The following SUGCT variants were observed in gnomAD, a reference collection of about 807,000 sequenced individuals.
The protein encoded by SUGCT is succinyl-CoA:glutarate CoA-transferase.
Under a neutral mutation model 55.0 loss-of-function variants are expected in SUGCT, and 41 were observed. The ratio of observed to expected loss-of-function variants is 0.74; its 90% CI spans 0.58 to 0.97. The LOEUF (loss-of-function observed/expected upper bound fraction) is 0.97, where lower values mean the gene tolerates loss of function less well. SUGCT is among the 50% of genes least tolerant of loss of function. The pLI is 0.00. For synonymous variants in SUGCT, 187 were observed against 200.4 expected (o/e 0.93, Z 0.56); for missense variants, 568 against 547.8 (o/e 1.04, Z -0.37).
intron 8 of SUGCT, among the ~76,000 whole-genome samples, chr7:40,299,813 T>A (rs1472025553): frequency 6.6e-6 from 1 of 152,214 alleles, no homozygotes; most frequent in East Asian, 1.9e-4. Flanking sequence ...TTTTTTGGAA[T>A]CAACAATTTT....
intron 11 of SUGCT, among the ~76,000 whole-genome samples, chr7:40,462,080 A>T (rs1789834168): frequency 6.6e-6 from 1 of 152,240 alleles, no homozygotes; most frequent in South Asian, 2.1e-4. Flanking sequence ...GAAGTGAACG[A>T]AACAGACAAA....
intron 13 of SUGCT, among the ~76,000 whole-genome samples, chr7:40,788,374 G>C (rs1242764883): frequency 6.6e-6 from 1 of 152,158 alleles, no homozygotes; most frequent in Non-Finnish European, 1.5e-5. Flanking sequence ...GCTTGAATGG[G>C]AGAAGAAAAA....
chr7:40,728,719 C>T (rs1161321397), intron 12 of SUGCT, among the ~76,000 whole-genome samples: 1 of 152,108 alleles, frequency 6.6e-6, no homozygotes, highest in Non-Finnish European at 1.5e-5. Flanking sequence ...ATATTTTTTA[C>T]CTTATGTAAG....
intron 12 of SUGCT, among the ~76,000 whole-genome samples, chr7:40,549,162 G>A (rs1389099750): frequency 2.0e-5 from 3 of 152,128 alleles, no homozygotes; most frequent in East Asian, 3.9e-4. Context: ...AATTCTTAGT[G>A]AGGGTTTTGG....
At chr7:40,798,303 G>T (rs1175570529) in intron 13 of SUGCT, among the ~76,000 whole-genome samples, 1 of 152,138 alleles carries the variant, frequency 6.6e-6, no homozygotes, top group South Asian at 2.1e-4. Context: ...ATTGTGCTAA[G>T]ATTGATTAAT....
At chr7:40,363,765 G>GGTGCT (rs1285997890) in intron 9 of SUGCT, among the ~76,000 whole-genome samples, 5 of 152,010 alleles carry the variant, frequency 3.3e-5, no homozygotes, top group Non-Finnish European at 7.4e-5. Context: ...GGTGTGGTGT[G>GGTGCT]GTGCTGAAAA....
intron 9 of SUGCT, among the ~76,000 whole-genome samples, chr7:40,437,407 G>T: frequency 6.6e-6 from 1 of 152,138 alleles, no homozygotes; most frequent in African/African-American, 2.4e-5. Flanking sequence ...TGCTTTCAAG[G>T]TTACTCTAGA....
intron 13 of SUGCT, among the ~76,000 whole-genome samples, chr7:40,777,262 T>A (rs1051001870): frequency 6.6e-6 from 1 of 152,192 alleles, no homozygotes; most frequent in East Asian, 1.9e-4. Context: ...TACTTGCTTT[T>A]TTTTCTACTT....
At chr7:40,738,196 T>TA (rs71714222) in intron 12 of SUGCT, among the ~76,000 whole-genome samples, 4,159 of 110,898 alleles carry the variant, frequency 0.038, 108 homozygotes, top group Middle Eastern at 0.078. Flanking sequence ...GACTCCATCT[T>TA]AAAAAAAAAA....
At chr7:40,169,254 A>C (rs1405527757) in intron 1 of SUGCT, among the ~76,000 whole-genome samples, 1 of 152,132 alleles carries the variant, frequency 6.6e-6, no homozygotes, top group Non-Finnish European at 1.5e-5. Context: ...AAAAGAGTAA[A>C]GTTCCCCAGT....
chr7:40,778,395 G>C (rs1789568654), intron 13 of SUGCT, among the ~76,000 whole-genome samples: 1 of 152,196 alleles, frequency 6.6e-6, no homozygotes, highest in Non-Finnish European at 1.5e-5. Flanking sequence ...TAGGATTAAA[G>C]TTATGTTTAG....
chr7:40,162,455 T>G (rs1784222114), intron 1 of SUGCT, among the ~76,000 whole-genome samples: 1 of 152,094 alleles, frequency 6.6e-6, no homozygotes, highest in Admixed American at 6.6e-5. Flanking sequence ...TTTACTGAAA[T>G]GATTCATGCA....
chr7:40,860,386 A>G lies in SUGCT; in HGVS notation c.1224A>G (p.Thr408=), dbSNP rs747833505. 2 of 1,613,856 alleles carry G rather than the reference A, an allele frequency of 1.2e-6. No individual in the cohort carries two copies. Among genetic ancestry groups the G allele is most frequent in the Non-Finnish European group, 1.7e-6 (2 of 1,179,868 alleles). The change falls in exon 14 of 14, where the codon ACA becomes ACG. Residue 408 remains threonine, a synonymous_variant. Coordinates refer to ENST00000335693, the MANE Select transcript of SUGCT (RefSeq NM_001193313.2). ...CGCCCCCGCTGCTCGGGCAGCACAC[A>G]ACGCACATCCTGAAGGAGGTCCTGA... ...ARPPPLLGQH[T]THILKEVLRY... is the part of the protein sequence containing the mutation.
intron 13 of SUGCT, among the ~76,000 whole-genome samples, chr7:40,774,457 C>A (rs1445762105): frequency 1.3e-5 from 2 of 152,058 alleles, no homozygotes; most frequent in East Asian, 3.9e-4. Context: ...GAAAAGTTCC[C>A]AGTGTCCCAT....
At chr7:40,136,820 C>T (rs146265532) in intron 1 of SUGCT, among the ~76,000 whole-genome samples, 27 of 152,134 alleles carry the variant, frequency 1.8e-4, no homozygotes, top group Admixed American at 5.2e-4. Flanking sequence ...ATCGTGAAGC[C>T]CCATTTCTAC....
intron 9 of SUGCT, among the ~76,000 whole-genome samples, chr7:40,391,237 A>G (rs1366325761): frequency 6.6e-6 from 1 of 152,198 alleles, no homozygotes; most frequent in Non-Finnish European, 1.5e-5. Flanking sequence ...GGACTTCATG[A>G]CTAAAACACC....
chr7:40,669,426 A>G (rs1043934082), intron 12 of SUGCT, among the ~76,000 whole-genome samples: 4 of 152,016 alleles, frequency 2.6e-5, no homozygotes, highest in Non-Finnish European at 5.9e-5. Context: ...CAGACACTCA[A>G]TAGATGCCAA....
chr7:40,839,762 C>CT (rs1368826001), intron 13 of SUGCT, among the ~76,000 whole-genome samples: 3 of 64,100 alleles, frequency 4.7e-5, no homozygotes, highest in Non-Finnish European at 8.7e-5. Flanking sequence ...TATGTTTTCT[C>CT]TATTTTTATT....
chr7:40,953,865 G>T, the SUGCT span, among the ~76,000 whole-genome samples: 1 of 152,220 alleles, frequency 6.6e-6, no homozygotes, highest in Non-Finnish European at 1.5e-5. Context: ...TGCCCCTATT[G>T]GGGGGTGCCT....
Sources: allele counts gnomAD v4.1 joint callset (sites outside exome capture counted in the v4.1 genomes callset), GRCh38; gene constraint gnomAD v4.1.1; transcripts MANE v1.5; gene names NCBI Gene and HGNC (gene_info 2026-07-23, HGNC 2026-07-21).